IQCH: variants seen among roughly 807,000 people sequenced by gnomAD.
The protein encoded by IQCH is IQ domain-containing protein H.
Under a neutral mutation model 117.0 loss-of-function variants are expected in IQCH, and 98 were observed. That is an observed-to-expected ratio of 0.84 (90% CI 0.71 to 0.99). The LOEUF (loss-of-function observed/expected upper bound fraction) is 0.99. IQCH is among the 50% of genes least tolerant of loss of function. The pLI, the probability that IQCH is intolerant of heterozygous loss-of-function variation, is 0.00. For missense variants in IQCH, 1,102 were observed against 1,243.8 expected, an observed-to-expected ratio of 0.89 and a Z score of 1.72; for synonymous variants, 412 against 448.2, an observed-to-expected ratio of 0.92 and a Z score of 1.02.
chr15:67,314,422 T>A (rs1967748143), intron 4 of IQCH, among the ~76,000 whole-genome samples: 1 of 150,198 alleles, frequency 6.7e-6, no homozygotes, highest in Admixed American at 6.7e-5. Flanking sequence ...GAGACTATCT[T>A]AATCCAAATG....
At chr15:67,295,461 C>T (rs999985129) in intron 4 of IQCH, among the ~76,000 whole-genome samples, 3 of 152,208 alleles carry the variant, frequency 2.0e-5, no homozygotes, top group Admixed American at 6.5e-5. Context: ...TTTTCTTCTC[C>T]CTCCTCTCTT....
intron 16 of IQCH, among the ~76,000 whole-genome samples, chr15:67,435,746 G>A (rs570649852): frequency 2.0e-4 from 31 of 151,222 alleles, no homozygotes; most frequent in Middle Eastern, 6.8e-3. Context: ...AGTGGTGCAC[G>A]CCTGTAATCC....
chr15:67,336,852 C>G (rs1371897822), intron 4 of IQCH, 123 bp from the exon 5 acceptor site: 16 of 849,474 alleles, frequency 1.9e-5, no homozygotes, highest in Non-Finnish European at 2.7e-5. Context: ...AAAATTGGAG[C>G]TGATATTGCT....
intron 16 of IQCH, among the ~76,000 whole-genome samples, chr15:67,435,019 G>C (rs1271632999): frequency 7.0e-6 from 1 of 143,296 alleles, no homozygotes; most frequent in Non-Finnish European, 1.5e-5. Flanking sequence ...ATTTTTTTAA[G>C]CTAATTTTTG....
intron 3 of IQCH, among the ~76,000 whole-genome samples, chr15:67,272,864 A>G (rs1965959646): frequency 6.6e-6 from 1 of 152,086 alleles, no homozygotes; most frequent in African/African-American, 2.4e-5. Flanking sequence ...TCTTTTATCC[A>G]TTCAGCCACA....
At chr15:67,338,121 G>C (rs997587144) in intron 5 of IQCH, among the ~76,000 whole-genome samples, 1 of 152,072 alleles carries the variant, frequency 6.6e-6, no homozygotes, top group Non-Finnish European at 1.5e-5. Context: ...CCCATTTCTT[G>C]CTTTAATACC....
Position 67,416,950 on chromosome 15 carries a change from T to C in IQCH, c.2117T>C (p.Ile706Thr). 6.2e-7 allele frequency: 1 copy of C among 1,605,676 alleles called. No individual in the cohort carries two copies. The highest frequency in any genetic ancestry group is 8.5e-7 in the Non-Finnish European group (1 of 1,176,528). The change falls in exon 15 of 21, where the codon ATC (isoleucine) becomes ACC (threonine). Residue 706 changes from isoleucine (I) to threonine (T), a missense_variant. Ile to Thr is a moderately conservative substitution (Grantham distance 89). This residue lies in a region of IQCH where 650 missense variants were observed against 794.3 expected (regional missense o/e 0.82). Transcript: ENST00000335894. The surrounding 1 kb of genome is among the most constrained non-coding windows in gnomAD (Gnocchi z 5.1). Reference sequence around the variant, plus strand: ...CTGCAGGAGCCAGCTTTGGTGAAGATCTCTGAGGAGCTGGCGGGCATTTTA... The same window carrying C: ...CTGCAGGAGCCAGCTTTGGTGAAGACCTCTGAGGAGCTGGCGGGCATTTTA... ...KWAQEPALVK[I>T]SEELAGILAQ...
intron 4 of IQCH, among the ~76,000 whole-genome samples, chr15:67,320,163 A>G (rs1282509708): frequency 6.6e-6 from 1 of 152,274 alleles, no homozygotes; most frequent in Non-Finnish European, 1.5e-5. Flanking sequence ...AATTAAATAA[A>G]AAGAGCCCCA....
intron 18 of IQCH, among the ~76,000 whole-genome samples, chr15:67,489,036 ATT>A (rs749936385): frequency 8.4e-5 from 12 of 143,350 alleles, no homozygotes; most frequent in East Asian, 2.0e-4. Context: ...TACATATATA[ATT>A]TTTTTTTTTT....
chr15:67,324,430 CA>C (rs1353321802), intron 4 of IQCH, among the ~76,000 whole-genome samples: 1 of 151,368 alleles, frequency 6.6e-6, no homozygotes, highest in Admixed American at 6.6e-5. Flanking sequence ...GCCAACATGA[CA>C]AAACCCCGCC....
rs567511731 is a variant in IQCH at position 67,286,600 on chromosome 15, T to G, written c.387+7088T>G. Among the ~76,000 whole-genome samples, 15 of 112,856 alleles carry G rather than the reference T, an allele frequency of 1.3e-4. No homozygotes were observed. The East Asian group carries it at 4.1e-3, about 31-fold the overall frequency. The allele number at this position is 112,856 out of a possible 152,430, so 74.0% of individuals were successfully genotyped here. A position where few individuals can be genotyped will look rare whatever the true frequency, so the allele number is the denominator to read the frequency against. ...ATATGGCTTTTATTTATTTATTTATTTATTTATTTATTTATGTATTTATTT... is the reference window on the plus strand; with the variant it reads ...ATATGGCTTTTATTTATTTATTTATGTATTTATTTATTTATGTATTTATTT... On this transcript the variant is annotated intron_variant, in intron 4 of 20. Transcript: ENST00000335894.
At position 67,481,317 on chromosome 15, in the gene IQCH, A is replaced by G. The variant is rs6494660; in HGVS notation, c.2799+5499A>G. Among the ~76,000 whole-genome samples the G allele has an allele frequency of 1, 151,978 of 152,314 alleles. 75,822 individuals are homozygous for G. The highest frequency in any genetic ancestry group is 1 in the Non-Finnish European group (68,036 of 68,036). On this transcript the variant is annotated intron_variant, in intron 18 of 20. Transcript: ENST00000335894. The surrounding 1 kb of genome is among the most constrained non-coding windows in gnomAD (Gnocchi z 4.1). Reference sequence around the variant, plus strand: ...TCTCAGGAAACTTACAATCATGGCGAAAGGGGAAGCAAACACATTCTTCTT... The same window carrying G: ...TCTCAGGAAACTTACAATCATGGCGGAAGGGGAAGCAAACACATTCTTCTT...
At chr15:67,423,259 C>T (rs1251383113) in intron 16 of IQCH, among the ~76,000 whole-genome samples, 1 of 152,064 alleles carries the variant, frequency 6.6e-6, no homozygotes, top group Non-Finnish European at 1.5e-5. Context: ...GCTGCCCTCC[C>T]CAAGTATTTG....
chr15:67,448,398 C>T (rs887371062), intron 16 of IQCH, among the ~76,000 whole-genome samples: 3 of 135,378 alleles, frequency 2.2e-5, no homozygotes, highest in Admixed American at 8.0e-5. Context: ...CAATAGTCCC[C>T]GATGTGTAAT....
At chr15:67,279,306 C>T (rs1013769247) in intron 3 of IQCH, 89 bp from the exon 4 acceptor site, 1 of 686,226 alleles carries the variant, frequency 1.5e-6, no homozygotes, top group African/African-American at 1.8e-5. Flanking sequence ...AAAATATAAG[C>T]TTAATTAGGA....
chr15:67,268,737 C>A (rs1437241268), intron 3 of IQCH, among the ~76,000 whole-genome samples: 1 of 151,964 alleles, frequency 6.6e-6, no homozygotes, highest in Non-Finnish European at 1.5e-5. Flanking sequence ...CTGGGCTGTT[C>A]CAGTGCAGTT....
rs191006420 is a variant in IQCH, at chr15:67,261,010, C to T, written c.52-262C>T. ...ACTCAGGAGGCTGAGGCAGGAGAAT[C>T]GCTTGAACCTGGGAGGCAGAGGTTG... On this transcript the variant is annotated intron_variant, in intron 1 of 20. Transcript: ENST00000335894. Among the ~76,000 whole-genome samples the T allele has an allele frequency of 1.7e-4, 26 of 151,044 alleles. No homozygotes were observed. The East Asian group carries it at 5.1e-3, about 29-fold the overall frequency.
At position 67,365,515 on chromosome 15, in the gene IQCH, G is replaced by A. The variant is rs1970301758; in HGVS notation, c.753+5630G>A. 6.6e-6 allele frequency among the ~76,000 whole-genome samples: 1 copy of A among 152,194 alleles called. No homozygotes were observed. ...CACTGGGGACACAACAATGAATGAA[G>A]CAAACCTAGTCCTTGTCCTCTTGGG... On this transcript the variant is annotated intron_variant, in intron 8 of 20. Coordinates refer to ENST00000335894, the MANE Select transcript of IQCH (RefSeq NM_001031715.3). This position sits in a 1 kb window ranked among gnomAD's most constrained non-coding sequence, Gnocchi z 4.4.
intron 16 of IQCH, among the ~76,000 whole-genome samples, chr15:67,462,160 G>A (rs1005422244): frequency 2.0e-5 from 3 of 151,402 alleles, no homozygotes; most frequent in Non-Finnish European, 2.9e-5. Flanking sequence ...GGTTGGGCGC[G>A]GTGGCTCATG....
Sources: gnomAD v4.1 joint callset for allele counts (sites outside exome capture counted in the v4.1 genomes callset) on GRCh38, gnomAD v4.1.1 for gene constraint, gnomAD v4.1.1 regional missense constraint, Gnocchi (gnomAD v3.1) non-coding constraint, MANE v1.5 for transcripts, NCBI Gene and HGNC (gene_info 2026-07-23, HGNC 2026-07-21) for gene names.